The following WBP1L variants were observed in gnomAD, a reference collection of about 807,000 sequenced individuals.
The protein encoded by WBP1L is WW domain binding protein 1-like.
A neutral mutation model predicts 33.7 loss-of-function variants in WBP1L; 17 were observed. The observed-to-expected ratio is 0.50, with a 90% CI of 0.34 to 0.76. WBP1L has a LOEUF of 0.76. Ranked by LOEUF, WBP1L falls within the 30% of genes least tolerant of loss-of-function variation. The pLI, the probability that WBP1L is intolerant of heterozygous loss-of-function variation, is 0.01. For missense variants in WBP1L, 389 were observed against 469.4 expected, an observed-to-expected ratio of 0.83 and a Z score of 1.58; for synonymous variants, 173 against 190.8, an observed-to-expected ratio of 0.91 and a Z score of 0.77.
At chr10:102,773,038 G>A (rs1415252793) in intron 1 of WBP1L, among the ~76,000 whole-genome samples, 1 of 151,036 alleles carries the variant, frequency 6.6e-6, no homozygotes, top group Non-Finnish European at 1.5e-5. Context: ...GGCTCATCAT[G>A]TATGAGGCTG....
chr10:102,784,495 G>T (rs1279497694), intron 1 of WBP1L, among the ~76,000 whole-genome samples: 26 of 137,544 alleles, frequency 1.9e-4, no homozygotes, highest in Non-Finnish European at 3.3e-4. Context: ...GCACAATCTT[G>T]GCTCACTGCA....
chr10:102,752,985 C>G (rs1321762524), intron 1 of WBP1L, among the ~76,000 whole-genome samples: 1 of 152,164 alleles, frequency 6.6e-6, no homozygotes, highest in South Asian at 2.1e-4. Flanking sequence ...TTTTGAATGC[C>G]TGTCCACCCA....
At chr10:102,758,185 CT>C (rs569223669) in intron 1 of WBP1L, among the ~76,000 whole-genome samples, 120 of 145,810 alleles carry the variant, frequency 8.2e-4, no homozygotes, top group Non-Finnish European at 9.1e-4. Flanking sequence ...ATGCACAGCC[CT>C]TTTTTTTTTT....
intron 1 of WBP1L, among the ~76,000 whole-genome samples, chr10:102,758,203 A>T (rs1407917014): frequency 6.6e-6 from 1 of 151,470 alleles, no homozygotes; most frequent in Non-Finnish European, 1.5e-5. Context: ...TTTTAGTAAC[A>T]GTTTTATTAA....
rs1429497344 is a variant in WBP1L at position 102,812,752 on chromosome 10, C to T, written c.513C>T (p.Thr171=). The part of the protein sequence containing the change: ...AGGSPPGIDP[T]RGSQGAQSSP... ...GCAGTCCCCCGGGCATCGATCCCAC[C>T]AGGGGATCCCAGGGGGCACAGAGCA... Residue 171 remains threonine, a synonymous_variant, in exon 4 of 4, where the codon ACC becomes ACT. Coordinates refer to ENST00000448841, the MANE Select transcript of WBP1L (RefSeq NM_001083913.2). 5 of 1,613,458 alleles carry T rather than the reference C, an allele frequency of 3.1e-6. No homozygotes were observed. Among genetic ancestry groups the T allele is most frequent in the Non-Finnish European group, 4.2e-6 (5 of 1,179,734 alleles).
intron 1 of WBP1L, among the ~76,000 whole-genome samples, chr10:102,761,053 A>AT (rs1427035164): frequency 1.4e-5 from 2 of 147,658 alleles, no homozygotes; most frequent in Admixed American, 6.7e-5. Flanking sequence ...CACCTGGCTA[A>AT]TTTTTTTTTA....
In WBP1L at chr10:102,744,023, G is replaced by T. The variant is rs968302231; in HGVS notation, c.-31G>T. 2 of 1,509,012 alleles carry T rather than the reference G, an allele frequency of 1.3e-6. No individual in the cohort carries two copies. The highest frequency in any genetic ancestry group is 2.0e-5 in the Admixed American group (1 of 50,002). The allele number at this position is 1,509,012 out of a possible 1,614,324, so 93.5% of individuals were successfully genotyped here. ...GGAGGAGGAGGAGGGAGGTGGCGGC[G>T]CCGTGGCGGAGGAGCAGGAGCAGGA... On this transcript the variant is annotated 5_prime_UTR_variant, in exon 1 of 4. Transcript: ENST00000448841.
At chr10:102,807,890 T>C (rs2134066465) in intron 2 of WBP1L, among the ~76,000 whole-genome samples, 1 of 151,614 alleles carries the variant, frequency 6.6e-6, no homozygotes, top group African/African-American at 2.4e-5. Context: ...CAAAGTAAAA[T>C]TAGTCATAGA....
rs140731468 is a variant in WBP1L, at chr10:102,776,363, A to G, written c.91-21630A>G. On this transcript the variant is annotated intron_variant, in intron 1 of 3. Coordinates refer to ENST00000448841, the MANE Select transcript of WBP1L (RefSeq NM_001083913.2). ...TAACTTTTAAGAGCCCTTTGTTCCA[A>G]CGTTAGTGTGGACGATGCTCTTGCA... The G allele has an allele frequency of 1.2e-5, 20 of 1,614,084 alleles. No homozygotes were observed. In the Middle Eastern group the frequency reaches 4.9e-4, roughly 40 times the overall value.
intron 1 of WBP1L, among the ~76,000 whole-genome samples, chr10:102,778,957 C>A (rs1843301322): frequency 6.6e-6 from 1 of 152,050 alleles, no homozygotes; most frequent in Admixed American, 6.6e-5. Context: ...AGAAGTTAAG[C>A]CATTTGCCCA....
intron 1 of WBP1L, among the ~76,000 whole-genome samples, chr10:102,753,842 AC>A (rs1842946084): frequency 6.6e-6 from 1 of 152,362 alleles, no homozygotes; most frequent in South Asian, 2.1e-4. Context: ...ATGGAGAGTT[AC>A]AAAAACATGT....
chr10:102,809,548 T>A (rs1170229987), intron 2 of WBP1L, among the ~76,000 whole-genome samples: 1 of 151,716 alleles, frequency 6.6e-6, no homozygotes, highest in Non-Finnish European at 1.5e-5. Context: ...ATTTTTGTAT[T>A]TTTAGTAGAG....
intron 1 of WBP1L, among the ~76,000 whole-genome samples, chr10:102,747,399 T>C (rs2489744): frequency 0.97 from 146,273 of 150,562 alleles, 71,089 homozygotes; most frequent in East Asian, 1. Flanking sequence ...AAACAGTAGA[T>C]GCTCCAAATA....
chr10:102,814,431 C>T lies in WBP1L; in HGVS notation c.*1100C>T, dbSNP rs903549539. 2 of 152,468 alleles carry T rather than the reference C, an allele frequency of 1.3e-5. No homozygotes were observed. The highest frequency in any genetic ancestry group is 4.8e-5 in the African/African-American group (2 of 41,398). 9.4% of individuals were successfully genotyped at this position (152,468 alleles called of 1,614,324 possible). On this transcript the variant is annotated 3_prime_UTR_variant, in exon 4 of 4. Coordinates refer to ENST00000448841, the MANE Select transcript of WBP1L (RefSeq NM_001083913.2). ...AAGCGATGGCCCCAGAGAAAGGGCC[C>T]CTGTAGCCTGGCTCTCACACAGTAT...
chr10:102,806,118 C>T (rs1278195193), intron 2 of WBP1L, among the ~76,000 whole-genome samples: 3 of 150,890 alleles, frequency 2.0e-5, no homozygotes, highest in African/African-American at 7.3e-5. Flanking sequence ...GAGGCTGAGG[C>T]ACAAGAATCA....
chr10:102,805,808 G>A (rs1003954696), intron 2 of WBP1L, among the ~76,000 whole-genome samples: 4 of 151,876 alleles, frequency 2.6e-5, no homozygotes, highest in African/African-American at 9.7e-5. Flanking sequence ...CAGAGCGGGA[G>A]GATCACCTGA....
intron 1 of WBP1L, among the ~76,000 whole-genome samples, chr10:102,763,765 A>C (rs1312712979): frequency 6.6e-6 from 1 of 152,178 alleles, no homozygotes; most frequent in Non-Finnish European, 1.5e-5. Context: ...GGAGCAGCTA[A>C]AATGGATGGG....
At chr10:102,784,676 TG>T (rs1471663178) in intron 1 of WBP1L, among the ~76,000 whole-genome samples, 1 of 151,722 alleles carries the variant, frequency 6.6e-6, no homozygotes, top group Non-Finnish European at 1.5e-5. Context: ...CTGCCCACCT[TG>T]GCCTCCCAAA....
chr10:102,788,984 G>A (rs1313303339), intron 1 of WBP1L, among the ~76,000 whole-genome samples: 1 of 152,060 alleles, frequency 6.6e-6, no homozygotes, highest in African/African-American at 2.4e-5. Flanking sequence ...TACTGAGACG[G>A]AGTCTTGCTC....
Sources: gnomAD v4.1 joint callset for allele counts (sites outside exome capture counted in the v4.1 genomes callset) on GRCh38, gnomAD v4.1.1 for gene constraint, MANE v1.5 for transcripts, NCBI Gene and HGNC (gene_info 2026-07-23, HGNC 2026-07-21) for gene names.